Variants in DPYD observed in about 807,000 individuals in gnomAD.
DPYD encodes the protein dihydropyrimidine dehydrogenase, also known as dihydropyrimidine dehydrogenase [NADP(+)].
DPYD carries 109 observed loss-of-function variants against 116.2 expected under a neutral mutation model. That is an observed-to-expected ratio of 0.94 (90% CI 0.80 to 1.10). DPYD has a LOEUF of 1.10. Ranked by LOEUF, DPYD falls within the 50% of genes least tolerant of loss-of-function variation. The probability of loss-of-function intolerance (pLI) is 0.00; values close to 1 mark genes in which losing one functional copy is unlikely to be tolerated. For synonymous variants in DPYD, 440 were observed against 432.0 expected (o/e 1.02, Z -0.23); for missense variants, 1,302 against 1,254.5 (o/e 1.04, Z -0.57).
intron 1 of DPYD, among the ~76,000 whole-genome samples, chr1:97,888,830 T>C (rs1355827087): frequency 6.6e-6 from 1 of 152,044 alleles, no homozygotes; most frequent in East Asian, 1.9e-4. Context: ...TAAGAGAATT[T>C]GTTATTAGCA....
chr1:97,620,607 T>G (rs1451657365), intron 8 of DPYD, among the ~76,000 whole-genome samples: 1 of 152,196 alleles, frequency 6.6e-6, no homozygotes, highest in Non-Finnish European at 1.5e-5. Flanking sequence ...GGCCAAAATT[T>G]ATTTCAGTGA....
intron 3 of DPYD, among the ~76,000 whole-genome samples, chr1:97,767,583 G>A (rs559236618): frequency 7.2e-4 from 109 of 152,184 alleles, no homozygotes; most frequent in Non-Finnish European, 3.7e-4. Flanking sequence ...AAGAGTCCAC[G>A]TGATGGAGCC....
At chr1:97,283,475 C>T (rs1292359345) in intron 18 of DPYD, among the ~76,000 whole-genome samples, 1 of 151,848 alleles carries the variant, frequency 6.6e-6, no homozygotes, top group East Asian at 1.9e-4. Context: ...TCCTCTTGCT[C>T]TTAAATTTTA....
intron 8 of DPYD, among the ~76,000 whole-genome samples, chr1:97,624,572 T>C (rs915918456): frequency 6.6e-6 from 1 of 151,932 alleles, no homozygotes; most frequent in African/African-American, 2.4e-5. Context: ...CTCGAAAAAC[T>C]GGAAATACAA....
chr1:97,231,330 C>G (rs1318627236), intron 19 of DPYD, among the ~76,000 whole-genome samples: 7 of 152,106 alleles, frequency 4.6e-5, no homozygotes, highest in Admixed American at 1.3e-4. Context: ...AATTCTGGCT[C>G]CATTGCTAGT....
chr1:97,774,651 A>G (rs995076978), intron 3 of DPYD: 8 of 165,204 alleles, frequency 4.8e-5, no homozygotes, highest in African/African-American at 1.9e-4. Flanking sequence ...CCACCTTTAA[A>G]TTGCTTTGCC....
intron 7 of DPYD, among the ~76,000 whole-genome samples, chr1:97,682,296 AC>A (rs914390329): frequency 2.0e-5 from 3 of 151,884 alleles, no homozygotes; most frequent in African/African-American, 7.3e-5. Context: ...ACTTGACTTT[AC>A]CATGAACAGA....
At chr1:97,662,996 T>G (rs1422059707) in intron 8 of DPYD, among the ~76,000 whole-genome samples, 1 of 152,196 alleles carries the variant, frequency 6.6e-6, no homozygotes, top group African/African-American at 2.4e-5. Flanking sequence ...TGTGTGCCAA[T>G]TTCAGTGAAA....
chr1:97,082,257 C>G lies in DPYD; in HGVS notation c.2907+73G>C. 3.1e-6 allele frequency: 5 copies of G among 1,595,284 alleles called. No homozygotes were observed. In the African/African-American group the frequency reaches 5.4e-5, roughly 17 times the overall value. Reference sequence around the variant, plus strand: ...CTGGTTTAAATTTCACACATAGCAACAGAAAATGCTTTCTGCCGTAAAAAC... The same window carrying G: ...CTGGTTTAAATTTCACACATAGCAAGAGAAAATGCTTTCTGCCGTAAAAAC... On this transcript the variant is annotated intron_variant, in intron 22 of 22. Transcript: ENST00000370192.
At chr1:97,202,354 A>T (rs1201341429) in intron 19 of DPYD, among the ~76,000 whole-genome samples, 1 of 152,110 alleles carries the variant, frequency 6.6e-6, no homozygotes, top group Non-Finnish European at 1.5e-5. Flanking sequence ...TTAAGTATAA[A>T]AATTTCCCCC....
intron 16 of DPYD, among the ~76,000 whole-genome samples, chr1:97,369,786 G>A (rs982598025): frequency 5.3e-5 from 8 of 152,106 alleles, no homozygotes; most frequent in Admixed American, 1.3e-4. Flanking sequence ...AAGACCAAGG[G>A]TTCTATTCTA....
intron 5 of DPYD, among the ~76,000 whole-genome samples, chr1:97,715,479 A>G (rs1291456040): frequency 2.0e-5 from 3 of 152,134 alleles, no homozygotes; most frequent in South Asian, 4.1e-4. Flanking sequence ...GCAGTCTACA[A>G]CAACACACAG....
intron 11 of DPYD, among the ~76,000 whole-genome samples, chr1:97,567,875 T>A (rs576787253): frequency 0.22 from 3,268 of 14,676 alleles, 97 homozygotes; most frequent in Admixed American, 0.47. Flanking sequence ...TGGAGATTTC[T>A]TTTTTTTTTA....
intron 6 of DPYD, among the ~76,000 whole-genome samples, chr1:97,694,266 G>A (rs898391621): frequency 1.3e-5 from 2 of 152,136 alleles, no homozygotes; most frequent in African/African-American, 4.8e-5. Context: ...GTAGGTAGGG[G>A]GTAGGTGGAA....
chr1:97,920,859 C>G, intron 1 of DPYD, 25 bp downstream of exon 1: 1 of 1,583,748 alleles, frequency 6.3e-7, no homozygotes, highest in Non-Finnish European at 8.6e-7. Flanking sequence ...CCGCCACCAC[C>G]GACGAGCCGG....
chr1:97,715,207 T>G (rs1260772193), intron 5 of DPYD, among the ~76,000 whole-genome samples: 1 of 152,058 alleles, frequency 6.6e-6, no homozygotes. Flanking sequence ...TTTATCAGCA[T>G]TTTTGAGTGA....
chr1:97,322,454 A>G (rs949636958), intron 16 of DPYD, among the ~76,000 whole-genome samples: 4 of 151,980 alleles, frequency 2.6e-5, no homozygotes, highest in Non-Finnish European at 5.9e-5. Context: ...GAAATACTAA[A>G]GTGGGTGACT....
At chr1:97,410,806 C>A (rs541459717) in intron 14 of DPYD, among the ~76,000 whole-genome samples, 59 of 152,188 alleles carry the variant, frequency 3.9e-4, no homozygotes, top group African/African-American at 1.3e-3. Context: ...TATGTAACAT[C>A]ACTTTTTAGC....
At chr1:97,423,640 T>C (rs979257753) in intron 14 of DPYD, among the ~76,000 whole-genome samples, 2 of 152,108 alleles carry the variant, frequency 1.3e-5, no homozygotes, top group African/African-American at 4.8e-5. Context: ...TTTTTACCCA[T>C]TGTGATTTCA....
Sources: allele counts gnomAD v4.1 joint callset (sites outside exome capture counted in the v4.1 genomes callset), GRCh38; gene constraint gnomAD v4.1.1; transcripts MANE v1.5; gene names NCBI Gene and HGNC (gene_info 2026-07-23, HGNC 2026-07-21).